The following COL11A1 variants were observed in gnomAD, a reference collection of about 807,000 sequenced individuals.
The protein encoded by COL11A1 is collagen type XI alpha 1 chain.
In COL11A1, 74 loss-of-function variants were observed where a neutral mutation model predicts 265.2. The ratio of observed to expected loss-of-function variants is 0.28; its 90% CI spans 0.23 to 0.34. The LOEUF is 0.34. Ranked by LOEUF, COL11A1 falls within the 10% of genes least tolerant of loss-of-function variation. The probability of loss-of-function intolerance (pLI) is 1.00; values close to 1 mark genes in which losing one functional copy is unlikely to be tolerated. For synonymous variants in COL11A1, 816 were observed against 727.6 expected (o/e 1.12, Z -1.96); for missense variants, 2,165 against 2,263.6 (o/e 0.96, Z 0.88).
At chr1:103,103,561 T>C (rs1235022637) in intron 1 of COL11A1, among the ~76,000 whole-genome samples, 2 of 152,028 alleles carry the variant, frequency 1.3e-5, no homozygotes, top group East Asian at 1.9e-4. Flanking sequence ...AACTATTTTC[T>C]ATTTAAATTT....
chr1:102,935,073 G>A lies in COL11A1; in HGVS notation c.3479C>T (p.Ala1160Val). Residue 1160 changes from alanine (A) to valine (V), a missense_variant, in exon 45 of 67, where the codon GCC (alanine) becomes GTC (valine). Physicochemically the swap from Ala to Val is moderately conservative, Grantham distance 64 (BLOSUM62 0). Coordinates refer to ENST00000370096, the MANE Select transcript of COL11A1 (RefSeq NM_001854.4). ...GPPGLQGPVGAPGIAGGDGEP... is the reference protein window; with the variant it reads ...GPPGLQGPVGVPGIAGGDGEP... ...TGGAATACTCACAGCAATTCCAGGGGCACCAACTGGTCCTTGAAGACCTGG... is the reference window on the plus strand; with the variant it reads ...TGGAATACTCACAGCAATTCCAGGGACACCAACTGGTCCTTGAAGACCTGG... The A allele has an allele frequency of 6.2e-7, 1 of 1,614,010 alleles. No individual in the cohort carries two copies. Among genetic ancestry groups the A allele is most frequent in the Non-Finnish European group, 8.5e-7 (1 of 1,179,932 alleles).
intron 49 of COL11A1, among the ~76,000 whole-genome samples, chr1:102,919,966 C>G (rs547074843): frequency 1.3e-5 from 2 of 152,044 alleles, no homozygotes; most frequent in African/African-American, 4.8e-5. Context: ...GCAGTGTATC[C>G]TAGCTTAGTC....
At chr1:102,996,533 T>A (rs1449463903) in intron 26 of COL11A1, among the ~76,000 whole-genome samples, 1 of 151,824 alleles carries the variant, frequency 6.6e-6, no homozygotes, top group Non-Finnish European at 1.5e-5. Flanking sequence ...GATAAAATGT[T>A]CTATCAATCA....
chr1:102,929,241 T>C (rs1192230756), intron 46 of COL11A1, among the ~76,000 whole-genome samples: 1 of 150,038 alleles, frequency 6.7e-6, no homozygotes, highest in Admixed American at 6.7e-5. Context: ...CGTTTAAGTC[T>C]TTAATCCATC....
chr1:102,970,035 A>G (rs972691034), intron 37 of COL11A1, among the ~76,000 whole-genome samples, 184 bp downstream of exon 37: 2 of 151,100 alleles, frequency 1.3e-5, no homozygotes, highest in African/African-American at 4.9e-5. Context: ...CCTGAAGTAT[A>G]TTTCTTGTAT....
chr1:103,107,792 G>A (rs1248669013), intron 1 of COL11A1, among the ~76,000 whole-genome samples: 1 of 151,932 alleles, frequency 6.6e-6, no homozygotes, highest in Non-Finnish European at 1.5e-5. Flanking sequence ...TTTTCAAAGA[G>A]GCTGGAAAGT....
chr1:103,064,774 A>G (rs1670961693), intron 4 of COL11A1, among the ~76,000 whole-genome samples: 1 of 151,866 alleles, frequency 6.6e-6, no homozygotes, highest in South Asian at 2.1e-4. Context: ...TAAACTGAAA[A>G]GGCTGCATAC....
chr1:103,101,087 T>C (rs1241756225), intron 1 of COL11A1, among the ~76,000 whole-genome samples: 1 of 151,824 alleles, frequency 6.6e-6, no homozygotes, highest in Admixed American at 6.6e-5. Context: ...TGGAAGAGAA[T>C]GAGATAGACA....
rs1472555358 is a variant in COL11A1, at chr1:102,905,217, C to T, written c.4087-6223G>A. Among the ~76,000 whole-genome samples the T allele has an allele frequency of 8.5e-4, 92 of 108,486 alleles. 1 individual carries two copies. The Middle Eastern group carries it at 0.019, about 22-fold the overall frequency. 71.2% of individuals were successfully genotyped at this position (108,486 alleles called of 152,430 possible). ...GAAAGGGAACATCACACACCAGGGACTGTTGTGGGGTGGGGGGAGGGGGGA... is the reference window on the plus strand; with the variant it reads ...GAAAGGGAACATCACACACCAGGGATTGTTGTGGGGTGGGGGGAGGGGGGA... On this transcript the variant is annotated intron_variant, in intron 54 of 66. Coordinates refer to ENST00000370096, the MANE Select transcript of COL11A1 (RefSeq NM_001854.4).
chr1:102,882,960 T>C (rs1650441252), intron 64 of COL11A1, among the ~76,000 whole-genome samples: 1 of 152,136 alleles, frequency 6.6e-6, no homozygotes, highest in Non-Finnish European at 1.5e-5. Context: ...CATAGAATTT[T>C]AGTGAGCAAG....
intron 4 of COL11A1, among the ~76,000 whole-genome samples, chr1:103,067,208 A>G (rs1671227899): frequency 6.6e-6 from 1 of 152,000 alleles, no homozygotes; most frequent in Non-Finnish European, 1.5e-5. Context: ...TTTTAAGGGC[A>G]TTATTACATT....
intron 28 of COL11A1, among the ~76,000 whole-genome samples, chr1:102,989,970 G>C (rs953139474): frequency 1.3e-5 from 2 of 152,008 alleles, no homozygotes; most frequent in Non-Finnish European, 2.9e-5. Flanking sequence ...CAGATTATTC[G>C]AGCCCAGGAG....
At chr1:103,093,771 C>A (rs1300506046) in intron 1 of COL11A1, among the ~76,000 whole-genome samples, 1 of 152,088 alleles carries the variant, frequency 6.6e-6, no homozygotes, top group Non-Finnish European at 1.5e-5. Context: ...CCCTGGCCAC[C>A]CATAACCCCA....
In COL11A1 at chr1:102,984,206, T is replaced by C; in HGVS notation, c.2503-15A>G. ...CCAAGTTTTCCCTACAGTTAAAATA[T>C]ATAATAATCAAAGTAATATTTTAAG... On this transcript the variant is annotated splice_polypyrimidine_tract_variant and intron_variant, in intron 30 of 66. Coordinates refer to ENST00000370096, the MANE Select transcript of COL11A1 (RefSeq NM_001854.4). 2.0e-6 allele frequency: 3 copies of C among 1,517,884 alleles called. No homozygotes were observed. Among genetic ancestry groups the C allele is most frequent in the Non-Finnish European group, 2.7e-6 (3 of 1,102,174 alleles). 94.0% of individuals were successfully genotyped at this position (1,517,884 alleles called of 1,614,324 possible).
intron 41 of COL11A1, among the ~76,000 whole-genome samples, chr1:102,948,211 C>A (rs368953025): frequency 1.3e-5 from 2 of 152,140 alleles, no homozygotes; most frequent in East Asian, 3.9e-4. Context: ...TAATGCTTTA[C>A]AATTCACAAA....
intron 4 of COL11A1, among the ~76,000 whole-genome samples, chr1:103,053,742 A>G (rs1670014895): frequency 6.6e-6 from 1 of 152,216 alleles, no homozygotes; most frequent in Non-Finnish European, 1.5e-5. Context: ...AAATCAAAAG[A>G]GAAAAATTTT....
At chr1:102,985,897 T>C (rs1168889090) in intron 30 of COL11A1, among the ~76,000 whole-genome samples, 1 of 152,088 alleles carries the variant, frequency 6.6e-6, no homozygotes, top group Non-Finnish European at 1.5e-5. Flanking sequence ...CAAATCACTA[T>C]AACATTGCTC....
At chr1:102,948,086 T>A (rs1039314155) in intron 41 of COL11A1, among the ~76,000 whole-genome samples, 2 of 151,954 alleles carry the variant, frequency 1.3e-5, no homozygotes, top group Non-Finnish European at 2.9e-5. Flanking sequence ...ATATTAGAAA[T>A]CATTTTATTA....
At chr1:103,055,786 T>C (rs942167128) in intron 4 of COL11A1, among the ~76,000 whole-genome samples, 1 of 152,224 alleles carries the variant, frequency 6.6e-6, no homozygotes, top group Admixed American at 6.5e-5. Context: ...TCTCTTCCAA[T>C]GTGGCCCAGG....
Sources: allele counts gnomAD v4.1 joint callset (sites outside exome capture counted in the v4.1 genomes callset), GRCh38; gene constraint gnomAD v4.1.1; transcripts MANE v1.5; gene names NCBI Gene and HGNC (gene_info 2026-07-23, HGNC 2026-07-21).